The following CREB5 variants were observed in gnomAD, a reference collection of about 807,000 sequenced individuals.
CREB5 encodes the protein cyclic AMP-responsive element-binding protein 5.
CREB5 carries 19 observed loss-of-function variants against 57.1 expected under a neutral mutation model. The observed-to-expected ratio is 0.33, with a 90% CI of 0.23 to 0.49. The LOEUF (loss-of-function observed/expected upper bound fraction) is 0.49, where lower values mean the gene tolerates loss of function less well. CREB5 is among the 20% of genes least tolerant of loss of function. CREB5 has a pLI of 0.99. For missense variants in CREB5, 579 were observed against 671.6 expected (o/e 0.86, Z 1.52); for synonymous variants, 238 against 238.3 (o/e 1.00, Z 0.01).
At chr7:28,306,449 T>C (rs12700863) in intron 1 of CREB5, among the ~76,000 whole-genome samples, 130,317 of 152,072 alleles carry the variant, frequency 0.86, 56,330 homozygotes, top group East Asian at 1. Context: ...TCTGCCAGGG[T>C]AGACTCCCAA....
chr7:28,410,664 C>G (rs113623425), upstream of CREB5: 1 of 416,488 alleles, frequency 2.4e-6, no homozygotes, highest in East Asian at 7.2e-5. Context: ...TTGTATATTT[C>G]GTTGTCAGTC....
intron 3 of CREB5, among the ~76,000 whole-genome samples, chr7:28,501,326 G>T (rs1792264155): frequency 6.6e-6 from 1 of 152,156 alleles, no homozygotes; most frequent in Non-Finnish European, 1.5e-5. Flanking sequence ...GCATTGAAAA[G>T]AACAAAGAGT....
At chr7:28,328,671 G>T (rs202172139) in intron 1 of CREB5, among the ~76,000 whole-genome samples, 3 of 152,120 alleles carry the variant, frequency 2.0e-5, no homozygotes, top group African/African-American at 2.4e-5. Context: ...GCCATATACC[G>T]TCATTAGGCA....
chr7:28,605,250 T>C (rs1244294210), intron 5 of CREB5, among the ~76,000 whole-genome samples: 3 of 152,214 alleles, frequency 2.0e-5, no homozygotes, highest in African/African-American at 7.2e-5. Flanking sequence ...GGTAAACTAC[T>C]AATTTGTAAA....
chr7:28,549,699 GTT>G (rs910930188), intron 4 of CREB5, among the ~76,000 whole-genome samples: 4 of 147,554 alleles, frequency 2.7e-5, no homozygotes, highest in African/African-American at 9.9e-5. Context: ...CTGGATGCCT[GTT>G]TTTTTTTTAA....
Position 28,820,420 on chromosome 7 carries a change from T to C in CREB5, c.*1141T>C, listed in dbSNP as rs551278354. ...TGCTAATAGCCTAAGATTTATTTTT[T>C]TTTTTTTCTTAAGCCTATGGAACCG... On this transcript the variant is annotated 3_prime_UTR_variant, in exon 11 of 11. Transcript: ENST00000357727. 1 of 152,186 alleles carries C rather than the reference T, an allele frequency of 6.6e-6. No homozygotes were observed. The highest frequency in any genetic ancestry group is 1.9e-4 in the East Asian group (1 of 5,172). 9.4% of individuals were successfully genotyped at this position (152,186 alleles called of 1,614,324 possible). A position where few individuals can be genotyped will look rare whatever the true frequency, so the allele number is the denominator to read the frequency against.
chr7:28,560,744 C>T (rs572019038), intron 4 of CREB5, among the ~76,000 whole-genome samples: 1 of 151,770 alleles, frequency 6.6e-6, no homozygotes, highest in Non-Finnish European at 1.5e-5. Flanking sequence ...GCCCTTTGCC[C>T]TTCAGAACAT....
rs1049469622 is a variant in CREB5, at chr7:28,571,084, A to G, written c.464+547A>G. Among the ~76,000 whole-genome samples the G allele has an allele frequency of 3.9e-5, 6 of 152,050 alleles. 1 individual carries two copies. The highest frequency in any genetic ancestry group is 3.9e-4 in the East Asian group (2 of 5,148). On this transcript the variant is annotated intron_variant, in intron 5 of 10. Coordinates refer to ENST00000357727, the MANE Select transcript of CREB5 (RefSeq NM_182898.4). ...TTTCCATCTGATAACTGAGATAGCTATTAAGTGACTACTGGGTGGGGCGTG... is the reference window on the plus strand; with the variant it reads ...TTTCCATCTGATAACTGAGATAGCTGTTAAGTGACTACTGGGTGGGGCGTG...
In CREB5 at chr7:28,658,953, G is replaced by GTGTGTATATATATATATA. The variant is rs1400561698; in HGVS notation, c.465-59799_465-59798insGTGTATATATATATATAT. Among the ~76,000 whole-genome samples the GTGTGTATATATATATATA allele has an allele frequency of 3.8e-4, 38 of 99,588 alleles. 1 individual carries two copies. The highest frequency in any genetic ancestry group is 1.1e-3 in the African/African-American group (35 of 30,470). The allele number at this position is 99,588 out of a possible 152,430, so 65.3% of individuals were successfully genotyped here. A position where few individuals can be genotyped will look rare whatever the true frequency, so the allele number is the denominator to read the frequency against. ...CACTAAATATTATATGTGTGTGTGT[G>GTGTGTATATATATATATA]TATATATATATATATATATATATAT... On this transcript the variant is annotated intron_variant, in intron 5 of 10. Transcript: ENST00000357727.
chr7:28,311,138 CAA>C (rs58272820), intron 1 of CREB5, among the ~76,000 whole-genome samples: 22 of 117,574 alleles, frequency 1.9e-4, no homozygotes, highest in African/African-American at 3.7e-4. Flanking sequence ...ACTAAAAATA[CAA>C]AAAAAAAAAA....
intron 5 of CREB5, among the ~76,000 whole-genome samples, chr7:28,581,357 C>T (rs567507192): frequency 2.0e-5 from 3 of 152,158 alleles, no homozygotes; most frequent in Non-Finnish European, 4.4e-5. Context: ...TTTTAACCAG[C>T]GGAGTGTTCA....
intron 7 of CREB5, among the ~76,000 whole-genome samples, chr7:28,741,280 G>A (rs1442446821): frequency 6.6e-6 from 1 of 152,098 alleles, no homozygotes; most frequent in Non-Finnish European, 1.5e-5. Flanking sequence ...TCCCAGGGCT[G>A]CCCACAAAAG....
At chr7:28,311,912 C>T (rs1054085829) in intron 1 of CREB5, among the ~76,000 whole-genome samples, 6 of 152,208 alleles carry the variant, frequency 3.9e-5, no homozygotes, top group African/African-American at 1.4e-4. Flanking sequence ...GCTGGTGTGG[C>T]TCCTCCCATA....
chr7:28,388,874 A>G (rs1787159438), intron 1 of CREB5, among the ~76,000 whole-genome samples: 1 of 152,218 alleles, frequency 6.6e-6, no homozygotes, highest in African/African-American at 2.4e-5. Flanking sequence ...ATGAGATTAA[A>G]TCATTGTCAC....
chr7:28,629,537 C>T (rs1278898582), intron 5 of CREB5, among the ~76,000 whole-genome samples: 3 of 152,156 alleles, frequency 2.0e-5, no homozygotes, highest in African/African-American at 7.2e-5. Flanking sequence ...TAAAAGATAG[C>T]AGGGACAGTC....
intron 1 of CREB5, among the ~76,000 whole-genome samples, chr7:28,468,159 C>T (rs748893433): frequency 1.3e-5 from 2 of 152,188 alleles, no homozygotes; most frequent in South Asian, 2.1e-4. Flanking sequence ...GCAGACAAGC[C>T]GTGGGTAGGA....
chr7:28,757,671 CAAAA>C (rs1008457413), intron 7 of CREB5, among the ~76,000 whole-genome samples: 1 of 97,250 alleles, frequency 1.0e-5, no homozygotes, highest in Admixed American at 1.1e-4. Context: ...GACTCCGTCT[CAAAA>C]AAAAAAAAAA....
chr7:28,793,631 C>T (rs1807857065), intron 7 of CREB5, among the ~76,000 whole-genome samples: 1 of 152,192 alleles, frequency 6.6e-6, no homozygotes, highest in Non-Finnish European at 1.5e-5. Context: ...GGACAGTGTC[C>T]ATCAAGCGAG....
chr7:28,738,989 G>T (rs1413610784), intron 7 of CREB5, among the ~76,000 whole-genome samples: 1 of 152,112 alleles, frequency 6.6e-6, no homozygotes, highest in African/African-American at 2.4e-5. Flanking sequence ...TAAGACTCAA[G>T]AACTTACAGT....
Sources: gnomAD v4.1 joint callset for allele counts (sites outside exome capture counted in the v4.1 genomes callset) on GRCh38, gnomAD v4.1.1 for gene constraint, MANE v1.5 for transcripts, NCBI Gene and HGNC (gene_info 2026-07-23, HGNC 2026-07-21) for gene names.